The following GRM5 variants were observed in gnomAD, a reference collection of about 807,000 sequenced individuals.
GRM5 encodes metabotropic glutamate receptor 5.
GRM5 carries 19 observed loss-of-function variants against 83.1 expected under a neutral mutation model. The observed-to-expected ratio is 0.23, with a 90% confidence interval of 0.16 to 0.34. The LOEUF (loss-of-function observed/expected upper bound fraction) is 0.34, where lower values mean the gene tolerates loss of function less well. GRM5 is among the 10% of genes least tolerant of loss of function. The pLI is 1.00. For missense variants in GRM5, 1,160 were observed against 1,588.3 expected, an observed-to-expected ratio of 0.73 and a Z score of 4.58; for synonymous variants, 675 against 633.6, an observed-to-expected ratio of 1.07 and a Z score of -0.98.
At chr11:89,035,928 C>T (rs1367881209) in intron 2 of GRM5, among the ~76,000 whole-genome samples, 1 of 151,812 alleles carries the variant, frequency 6.6e-6, no homozygotes, top group Non-Finnish European at 1.5e-5. Flanking sequence ...TTTCTAATAA[C>T]GAAGTTTCTA....
At chr11:88,731,442 C>A (rs1006677396) in intron 3 of GRM5, among the ~76,000 whole-genome samples, 5 of 152,048 alleles carry the variant, frequency 3.3e-5, no homozygotes, top group Non-Finnish European at 5.9e-5. Context: ...AACACCAGTG[C>A]AGACCAATTA....
At chr11:88,608,852 G>T (rs901054748) in intron 4 of GRM5, among the ~76,000 whole-genome samples, 2 of 152,022 alleles carry the variant, frequency 1.3e-5, no homozygotes, top group African/African-American at 4.8e-5. Context: ...TCTACTCAGT[G>T]CCTAGAACAA....
At chr11:88,651,938 C>A (rs1339900885) in intron 4 of GRM5, among the ~76,000 whole-genome samples, 1 of 152,010 alleles carries the variant, frequency 6.6e-6, no homozygotes. Flanking sequence ...ATGAACATGA[C>A]CTCAGAGGGG....
chr11:88,536,781 T>C (rs1299093174), intron 8 of GRM5, among the ~76,000 whole-genome samples: 1 of 152,218 alleles, frequency 6.6e-6, no homozygotes, highest in Non-Finnish European at 1.5e-5. Flanking sequence ...CATCTTATTC[T>C]ACAGATTTAT....
intron 5 of GRM5, among the ~76,000 whole-genome samples, chr11:88,598,538 T>C (rs1937885331): frequency 6.6e-6 from 1 of 152,164 alleles, no homozygotes; most frequent in South Asian, 2.1e-4. Flanking sequence ...TGTAACTGTC[T>C]AAATTCTACT....
intron 3 of GRM5, among the ~76,000 whole-genome samples, chr11:88,814,008 T>C (rs975894102): frequency 9.9e-5 from 15 of 152,194 alleles, no homozygotes; most frequent in African/African-American, 3.4e-4. Flanking sequence ...TTGGATGTAA[T>C]AGTACTTTTA....
intron 3 of GRM5, among the ~76,000 whole-genome samples, chr11:88,664,292 C>G (rs1477399766): frequency 6.7e-6 from 1 of 149,232 alleles, no homozygotes; most frequent in African/African-American, 2.5e-5. Context: ...TCCCTGGGTT[C>G]TACATGTGTG....
At chr11:88,682,651 C>G (rs553105046) in intron 3 of GRM5, among the ~76,000 whole-genome samples, 55 of 152,118 alleles carry the variant, frequency 3.6e-4, no homozygotes, top group African/African-American at 1.3e-3. Context: ...TCCCTTCTCT[C>G]AATAATGAAT....
rs59362348 is a variant in GRM5, at chr11:88,891,610, C to CTAAGTATATGCTATCAG, written c.662-41456_662-41455insCTGATAGCATATACTTA. Among the ~76,000 whole-genome samples, 2 of 38,358 alleles carry CTAAGTATATGCTATCAG rather than the reference C, an allele frequency of 5.2e-5. 1 individual carries two copies. Among genetic ancestry groups the CTAAGTATATGCTATCAG allele is most frequent in the African/African-American group, 1.8e-4 (2 of 11,200 alleles). The allele number at this position is 38,358 out of a possible 152,430, so 25.2% of individuals were successfully genotyped here. Reference sequence around the variant, plus strand: ...TATGGGATTTCTAAAATTCTAATGTCTCATAATTAATTTTAAAATTATTGT... The same window carrying CTAAGTATATGCTATCAG: ...TATGGGATTTCTAAAATTCTAATGTCTAAGTATATGCTATCAGTCATAATTAATTTTAAAATTATTGT... On this transcript the variant is annotated intron_variant, in intron 2 of 9. Transcript: ENST00000305447.
chr11:88,808,480 G>A (rs1943535616), intron 3 of GRM5, among the ~76,000 whole-genome samples: 1 of 152,020 alleles, frequency 6.6e-6, no homozygotes, highest in Admixed American at 6.6e-5. Context: ...TACAGGAACA[G>A]ATAAGCAGAG....
At chr11:88,879,532 A>G (rs970397076) in intron 2 of GRM5, among the ~76,000 whole-genome samples, 15 of 152,098 alleles carry the variant, frequency 9.9e-5, no homozygotes, top group African/African-American at 3.4e-4. Context: ...AAATAAATGT[A>G]AGAAAAATAC....
At chr11:88,752,215 G>A (rs1055329937) in intron 3 of GRM5, among the ~76,000 whole-genome samples, 1 of 152,144 alleles carries the variant, frequency 6.6e-6, no homozygotes, top group African/African-American at 2.4e-5. Flanking sequence ...CATAGTCTCA[G>A]CACAAAAGTT....
intron 2 of GRM5, among the ~76,000 whole-genome samples, chr11:88,958,745 T>C (rs1294429906): frequency 2.0e-5 from 3 of 152,158 alleles, no homozygotes; most frequent in African/African-American, 7.2e-5. Flanking sequence ...GTGGGCAATA[T>C]CCACTGGTAT....
At chr11:88,826,783 A>T (rs1193121135) in intron 3 of GRM5, among the ~76,000 whole-genome samples, 1 of 152,220 alleles carries the variant, frequency 6.6e-6, no homozygotes, top group Non-Finnish European at 1.5e-5. Flanking sequence ...CCCTTTATCT[A>T]CTTAAAAATC....
intron 2 of GRM5, among the ~76,000 whole-genome samples, chr11:88,955,593 T>C (rs1324732128): frequency 3.9e-5 from 6 of 152,288 alleles, no homozygotes; most frequent in Admixed American, 2.6e-4. Flanking sequence ...TTCTATCTAA[T>C]TTCTTCACAT....
At position 88,885,450 on chromosome 11, in the gene GRM5, G is replaced by GTTTTTTTTTTTT. The variant is rs61456975; in HGVS notation, c.662-35307_662-35296dup. On this transcript the variant is annotated intron_variant, in intron 2 of 9. Transcript: ENST00000305447. ...TTCTGAATTCTATAGTAGGTACCAT[G>GTTTTTTTTTTTT]TTTTTTTTTTTTTTTTTTTTTTTTT... is the stretch of plus-strand genomic sequence containing the variant. Among the ~76,000 whole-genome samples the GTTTTTTTTTTTT allele has an allele frequency of 2.9e-4, 18 of 62,660 alleles. 5 individuals carry two copies. The highest frequency in any genetic ancestry group is 9.5e-4 in the African/African-American group (16 of 16,888). The allele number at this position is 62,660 out of a possible 152,430, so 41.1% of individuals were successfully genotyped here.
chr11:88,860,512 C>T lies in GRM5; in HGVS notation c.662-10357G>A, dbSNP rs368272342. On this transcript the variant is annotated intron_variant, in intron 2 of 9. Transcript: ENST00000305447. ...CCTTGATTCTAACTGGATCTAATGA[C>T]AATGCAGAAATTCTCCCATCACCAG... Among the ~76,000 whole-genome samples the T allele has an allele frequency of 3.4e-4, 51 of 152,158 alleles. 3 individuals are homozygous for T. Among genetic ancestry groups the T allele is most frequent in the African/African-American group, 1.1e-3 (45 of 41,456 alleles).
At chr11:88,658,695 A>C (rs1939829655) in intron 3 of GRM5, among the ~76,000 whole-genome samples, 1 of 152,180 alleles carries the variant, frequency 6.6e-6, no homozygotes. Context: ...CTAAGTTTGA[A>C]AAGTATGGAT....
intron 3 of GRM5, among the ~76,000 whole-genome samples, chr11:88,725,904 G>A (rs914142638): frequency 1.3e-5 from 2 of 152,074 alleles, no homozygotes; most frequent in Admixed American, 6.5e-5. Flanking sequence ...AAAGACCAAA[G>A]GTAGATAAAT....
Sources: gnomAD v4.1 joint callset for allele counts (sites outside exome capture counted in the v4.1 genomes callset) on GRCh38, gnomAD v4.1.1 for gene constraint, MANE v1.5 for transcripts, NCBI Gene and HGNC (gene_info 2026-07-23, HGNC 2026-07-21) for gene names.